Variants in C7 observed in about 807,000 individuals in gnomAD.
The protein encoded by C7 is complement C7.
In C7, 83 loss-of-function variants were observed where a neutral mutation model predicts 104.8. That is an observed-to-expected ratio of 0.79 (90% CI 0.66 to 0.95). The LOEUF (loss-of-function observed/expected upper bound fraction) is 0.95, where lower values mean the gene tolerates loss of function less well. Ranked by LOEUF, C7 falls within the 40% of genes least tolerant of loss-of-function variation. The probability of loss-of-function intolerance (pLI) is 0.00; values close to 1 mark genes in which losing one functional copy is unlikely to be tolerated. For missense variants in C7, 1,070 were observed against 1,011.2 expected (o/e 1.06, Z -0.79); for synonymous variants, 415 against 360.6 (o/e 1.15, Z -1.71).
chr5:40,959,544 A>G lies in C7; in HGVS notation c.1585A>G (p.Ser529Gly). ...CCGTGAATGCAATAACCCACCTCCC[A>G]GTGGGGGTGGGAGATCCTGCGTTGG... ...RSRECNNPPP[S>G]GGGRSCVGET... The change falls in exon 12 of 18, where the codon AGT (serine) becomes GGT (glycine). Residue 529 changes from serine (S) to glycine (G), a missense_variant. Ser to Gly is a moderately conservative substitution (Grantham distance 56). Coordinates refer to ENST00000313164, the MANE Select transcript of C7 (RefSeq NM_000587.4). 10 of 1,610,670 alleles carry G rather than the reference A, an allele frequency of 6.2e-6. No individual in the cohort carries two copies. The highest frequency in any genetic ancestry group is 8.5e-6 in the Non-Finnish European group (10 of 1,178,560).
chr5:40,961,582 ACCTTGTTGGCCAGGCTGG>A (rs1740423535), intron 12 of C7, among the ~76,000 whole-genome samples: 2 of 151,754 alleles, frequency 1.3e-5, no homozygotes, highest in Admixed American at 1.3e-4. Flanking sequence ...ATGGGGTTTC[ACCTTGTTGGCCAGGCTGG>A]TCTCGGAACT....
chr5:40,965,774 T>A (rs909468966), intron 14 of C7, among the ~76,000 whole-genome samples: 13 of 151,666 alleles, frequency 8.6e-5, no homozygotes, highest in African/African-American at 3.1e-4. Flanking sequence ...CTTGAATAGA[T>A]GGGACTACAG....
At chr5:40,960,078 AT>A (rs1356651010) in intron 12 of C7, among the ~76,000 whole-genome samples, 1 of 152,204 alleles carries the variant, frequency 6.6e-6, no homozygotes, top group Non-Finnish European at 1.5e-5. Flanking sequence ...TTACTCATTT[AT>A]TTTTTGGATT....
chr5:40,975,076 A>T (rs935152918), intron 15 of C7, among the ~76,000 whole-genome samples: 3 of 152,198 alleles, frequency 2.0e-5, no homozygotes, highest in Non-Finnish European at 4.4e-5. Flanking sequence ...AGAAGCACTG[A>T]TGTAGATAAT....
At chr5:40,948,913 C>T (rs6883381) in intron 8 of C7, among the ~76,000 whole-genome samples, 152,217 of 152,242 alleles carry the variant, frequency 1, 76,096 homozygotes, top group Non-Finnish European at 1. Context: ...TTCATTTCCA[C>T]TGAGCTATTT....
Position 40,979,904 on chromosome 5 carries a change from G to C in C7, c.2345G>C (p.Cys782Ser). ...GGTGCCTGCCCACTGTGGGGAAAATGTGATGGTAAGGGGCCTTTCATATTT... is the reference window on the plus strand; with the variant it reads ...GGTGCCTGCCCACTGTGGGGAAAATCTGATGGTAAGGGGCCTTTCATATTT... ...ACGACPLWGKCDAESSKCVCR... is the reference protein window; with the variant it reads ...ACGACPLWGKSDAESSKCVCR... The change falls in exon 17 of 18, where the codon TGT becomes TCT. Residue 782 changes from cysteine to serine, a missense_variant. Transcript: ENST00000313164. The C allele has an allele frequency of 6.3e-7, 1 of 1,586,956 alleles. No individual in the cohort carries two copies.
chr5:40,917,664 A>G (rs1299533401), intron 1 of C7, among the ~76,000 whole-genome samples: 1 of 152,208 alleles, frequency 6.6e-6, no homozygotes, highest in East Asian at 1.9e-4. Context: ...GCTGAATCAT[A>G]TGCTTGTTCT....
intron 9 of C7, among the ~76,000 whole-genome samples, chr5:40,950,399 G>T (rs1196325512): frequency 1.3e-5 from 2 of 151,938 alleles, no homozygotes; most frequent in Non-Finnish European, 2.9e-5. Context: ...TTTTTTTATG[G>T]CTCCATAGTA....
At chr5:40,981,209 T>C (rs368379163) in intron 17 of C7, among the ~76,000 whole-genome samples, 183 bp from the exon 18 acceptor site, 3 of 152,308 alleles carry the variant, frequency 2.0e-5, no homozygotes, top group East Asian at 3.9e-4. Context: ...ACCTATTTCT[T>C]TGGAGTGGAG....
intron 6 of C7, 43 bp from the exon 7 acceptor site, chr5:40,945,155 A>G (rs1217948769): frequency 1.9e-6 from 2 of 1,046,722 alleles, no homozygotes; most frequent in Non-Finnish European, 2.8e-6. Context: ...TAAAGGATCC[A>G]GCATTAATTT....
chr5:40,932,125 C>T (rs1425201784), intron 3 of C7, among the ~76,000 whole-genome samples: 1 of 152,062 alleles, frequency 6.6e-6, no homozygotes, highest in Non-Finnish European at 1.5e-5. Context: ...GCTCTGTCTA[C>T]TTTTTCTCTG....
At chr5:40,944,819 G>A (rs1740011579) in intron 6 of C7, among the ~76,000 whole-genome samples, 1 of 152,140 alleles carries the variant, frequency 6.6e-6, no homozygotes, top group South Asian at 2.1e-4. Context: ...TCACCTATTT[G>A]CATCTCTGTT....
Position 40,979,825 on chromosome 5 carries a change from A to T in C7, c.2266A>T (p.Thr756Ser). The T allele has an allele frequency of 6.2e-7, 1 of 1,613,536 alleles. No homozygotes were observed. Among genetic ancestry groups the T allele is most frequent in the Non-Finnish European group, 8.5e-7 (1 of 1,179,640 alleles). ...TCTCCACTGTCAGGGTAGAAATTAC[A>T]CCCTTACTGGTAGGGACAGCTGTAC... Reference protein sequence around the residue: ...HVLHCQGRNYTLTGRDSCTLP... With the variant: ...HVLHCQGRNYSLTGRDSCTLP... The change falls in exon 17 of 18, where the codon ACC becomes TCC. Residue 756 changes from threonine (T) to serine (S), a missense_variant. By Grantham distance (58) the Thr-to-Ser change is moderately conservative. Coordinates refer to ENST00000313164, the MANE Select transcript of C7 (RefSeq NM_000587.4).
intron 7 of C7, 73 bp downstream of exon 7, chr5:40,945,441 T>C: frequency 1.0e-6 from 1 of 1,004,650 alleles, no homozygotes; most frequent in Non-Finnish European, 1.4e-6. Context: ...TAAACTTGTA[T>C]TTATCAAAAG....
intron 1 of C7, among the ~76,000 whole-genome samples, chr5:40,918,004 G>A (rs575425129): frequency 6.6e-6 from 1 of 152,282 alleles, no homozygotes; most frequent in African/African-American, 2.4e-5. Context: ...ATAAGCTGTT[G>A]TGATTATAAG....
At chr5:40,980,087 A>T in intron 17 of C7, 178 bp downstream of exon 17, 1 of 434,154 alleles carries the variant, frequency 2.3e-6, no homozygotes, top group Non-Finnish European at 4.0e-6. Context: ...AAGGGCACAG[A>T]TCACAGACCT....
At chr5:40,951,109 A>G (rs1740159890) in intron 9 of C7, among the ~76,000 whole-genome samples, 1 of 152,224 alleles carries the variant, frequency 6.6e-6, no homozygotes, top group Non-Finnish European at 1.5e-5. Flanking sequence ...AGTGAGGTCA[A>G]CAGAGTGAAG....
intron 9 of C7, among the ~76,000 whole-genome samples, chr5:40,954,346 T>C (rs751560145): frequency 6.2e-4 from 95 of 152,184 alleles, no homozygotes; most frequent in Non-Finnish European, 1.1e-3. Flanking sequence ...ATAATATTGA[T>C]AATATTGACT....
At chr5:40,929,466 G>T (rs1244252445) in intron 2 of C7, among the ~76,000 whole-genome samples, 1 of 152,118 alleles carries the variant, frequency 6.6e-6, no homozygotes, top group Non-Finnish European at 1.5e-5. Context: ...CCACAGGTTG[G>T]CAAGATTGGC....
Sources: allele counts gnomAD v4.1 joint callset (sites outside exome capture counted in the v4.1 genomes callset), GRCh38; gene constraint gnomAD v4.1.1; transcripts MANE v1.5; gene names NCBI Gene and HGNC (gene_info 2026-07-23, HGNC 2026-07-21).